IMMP2L: variants seen among roughly 807,000 people sequenced by gnomAD.
IMMP2L encodes the protein inner mitochondrial membrane peptidase subunit 2.
Under a neutral mutation model 19.3 loss-of-function variants are expected in IMMP2L, and 18 were observed. The observed-to-expected ratio is 0.93, with a 90% CI of 0.64 to 1.38. The LOEUF is 1.38. Among genes scored for constraint, IMMP2L ranks in the 40% most tolerant of loss-of-function variants. IMMP2L has a pLI of 0.00. For missense variants in IMMP2L, 233 were observed against 218.2 expected (o/e 1.07, Z -0.43); for synonymous variants, 76 against 73.0 (o/e 1.04, Z -0.21).
intron 3 of IMMP2L, among the ~76,000 whole-genome samples, chr7:111,035,063 G>A (rs1791201325): frequency 6.6e-6 from 1 of 152,058 alleles, no homozygotes; most frequent in Admixed American, 6.5e-5. Flanking sequence ...GATGTTAAAA[G>A]AAAACAGAAT....
At chr7:110,772,919 C>T (rs1026330553) in intron 5 of IMMP2L, among the ~76,000 whole-genome samples, 3 of 152,022 alleles carry the variant, frequency 2.0e-5, no homozygotes, top group South Asian at 2.1e-4. Context: ...ACTCCAGTTT[C>T]GAACGAGAAG....
intron 1 of IMMP2L, among the ~76,000 whole-genome samples, chr7:111,528,546 G>T (rs1049954991): frequency 3.3e-5 from 5 of 152,104 alleles, no homozygotes; most frequent in Admixed American, 6.5e-5. Flanking sequence ...GAGTTTCTTG[G>T]TGATGCTGAC....
At chr7:111,241,007 G>C (rs896469179) in intron 3 of IMMP2L, among the ~76,000 whole-genome samples, 1 of 151,750 alleles carries the variant, frequency 6.6e-6, no homozygotes, top group African/African-American at 2.4e-5. Flanking sequence ...TGAACACTCA[G>C]AACACATGTA....
At chr7:111,282,065 A>G (rs1819944239) in intron 3 of IMMP2L, among the ~76,000 whole-genome samples, 1 of 152,186 alleles carries the variant, frequency 6.6e-6, no homozygotes, top group Admixed American at 6.6e-5. Context: ...CTGACCTTCA[A>G]TATTTCAAGC....
intron 3 of IMMP2L, among the ~76,000 whole-genome samples, chr7:111,402,384 T>C (rs1244966142): frequency 6.6e-6 from 1 of 152,014 alleles, no homozygotes; most frequent in Non-Finnish European, 1.5e-5. Context: ...AAGATGCTGC[T>C]TTTATCACTT....
At chr7:111,328,567 C>A (rs1401646074) in intron 3 of IMMP2L, among the ~76,000 whole-genome samples, 8 of 151,900 alleles carry the variant, frequency 5.3e-5, no homozygotes, top group Non-Finnish European at 1.2e-4. Flanking sequence ...AGCCCCAATA[C>A]AGCAAGGCTT....
chr7:110,968,280 T>C (rs4730471), intron 3 of IMMP2L, among the ~76,000 whole-genome samples: 104,795 of 151,622 alleles, frequency 0.69, 37,284 homozygotes, highest in African/African-American at 0.85. Context: ...AAAAAAAAAT[T>C]TGGAGCTAGC....
intron 3 of IMMP2L, among the ~76,000 whole-genome samples, chr7:111,023,038 C>A (rs1160886155): frequency 6.6e-6 from 1 of 152,168 alleles, no homozygotes; most frequent in African/African-American, 2.4e-5. Context: ...AGAAGTCATA[C>A]ATAATGTAGC....
At chr7:110,918,972 C>CAA (rs1813948062) in intron 4 of IMMP2L, among the ~76,000 whole-genome samples, 1 of 152,108 alleles carries the variant, frequency 6.6e-6, no homozygotes, top group Non-Finnish European at 1.5e-5. Context: ...GAGACATACA[C>CAA]AAACCCCAAA....
intron 5 of IMMP2L, among the ~76,000 whole-genome samples, chr7:110,864,054 T>C (rs1048299657): frequency 5.3e-5 from 8 of 152,064 alleles, no homozygotes; most frequent in Admixed American, 6.6e-5. Flanking sequence ...TAGAAAAAGA[T>C]AGTTATGTAG....
At chr7:110,788,796 T>C (rs570531163) in intron 5 of IMMP2L, among the ~76,000 whole-genome samples, 2 of 151,924 alleles carry the variant, frequency 1.3e-5, no homozygotes, top group African/African-American at 4.8e-5. Context: ...TCTTGCTTGC[T>C]CTTCTTGCAA....
intron 3 of IMMP2L, among the ~76,000 whole-genome samples, chr7:111,097,614 CATGT>C (rs1797540752): frequency 6.6e-6 from 1 of 151,750 alleles, no homozygotes; most frequent in African/African-American, 2.4e-5. Context: ...TAAAAATAGA[CATGT>C]ATTTTTCAAA....
Position 111,446,688 on chromosome 7 carries a change from C to T in IMMP2L, c.239+40550G>A, listed in dbSNP as rs184319454. On this transcript the variant is annotated intron_variant, in intron 3 of 5. Coordinates refer to ENST00000405709, the MANE Select transcript of IMMP2L (RefSeq NM_032549.4). ...AAGGAACGCAGTTCCTCACCAGCAA[C>T]GGAACAAAACTGGATGGAGAATGAT... 5.9e-3 allele frequency among the ~76,000 whole-genome samples: 896 copies of T among 152,286 alleles called. 13 individuals carry two copies. Among genetic ancestry groups the T allele is most frequent in the African/African-American group, 0.02 (819 of 41,504 alleles).
At chr7:110,680,040 C>T (rs1792598555) in intron 5 of IMMP2L, among the ~76,000 whole-genome samples, 1 of 152,160 alleles carries the variant, frequency 6.6e-6, no homozygotes, top group African/African-American at 2.4e-5. Flanking sequence ...AATATTCACA[C>T]ATTACGTTTC....
chr7:111,533,556 G>A (rs1847597939), intron 1 of IMMP2L, among the ~76,000 whole-genome samples: 1 of 152,100 alleles, frequency 6.6e-6, no homozygotes, highest in Non-Finnish European at 1.5e-5. Context: ...AGACCCAAGG[G>A]CGCAAAGAAA....
At chr7:111,439,813 C>G (rs1359937459) in intron 3 of IMMP2L, among the ~76,000 whole-genome samples, 2 of 152,004 alleles carry the variant, frequency 1.3e-5, no homozygotes, top group Middle Eastern at 6.8e-3. Flanking sequence ...TTGCATTTTA[C>G]CCACAGTAAA....
chr7:110,982,602 A>G (rs1211315000), intron 3 of IMMP2L, among the ~76,000 whole-genome samples: 1 of 152,078 alleles, frequency 6.6e-6, no homozygotes, highest in Non-Finnish European at 1.5e-5. Context: ...AGCTAACACA[A>G]CGGGGTTCAT....
chr7:111,471,603 T>C (rs138775825), intron 3 of IMMP2L, among the ~76,000 whole-genome samples: 297 of 152,260 alleles, frequency 2.0e-3, no homozygotes, highest in African/African-American at 6.0e-3. Context: ...CATGTGGAAA[T>C]ATTTTAGATC....
intron 3 of IMMP2L, among the ~76,000 whole-genome samples, chr7:111,287,798 C>T (rs1425885170): frequency 6.6e-6 from 1 of 152,062 alleles, no homozygotes; most frequent in Non-Finnish European, 1.5e-5. Flanking sequence ...TGAAATAGCC[C>T]TCAAGCAGTT....
Sources: allele counts gnomAD v4.1 joint callset (sites outside exome capture counted in the v4.1 genomes callset), GRCh38; gene constraint gnomAD v4.1.1; transcripts MANE v1.5; gene names NCBI Gene and HGNC (gene_info 2026-07-23, HGNC 2026-07-21).